FAM47E: variants seen among roughly 807,000 people sequenced by gnomAD.
The protein encoded by FAM47E is family with sequence similarity 47 member E.
FAM47E carries 32 observed loss-of-function variants against 41.6 expected under a neutral mutation model. The ratio of observed to expected loss-of-function variants is 0.77; its 90% confidence interval spans 0.58 to 1.03. The LOEUF (loss-of-function observed/expected upper bound fraction) is 1.03. FAM47E is among the 50% of genes least tolerant of loss of function. The pLI is 0.00. For synonymous variants in FAM47E, 184 were observed against 188.7 expected (o/e 0.98, Z 0.20); for missense variants, 424 against 485.4 (o/e 0.87, Z 1.19).
intron 1 of FAM47E, among the ~76,000 whole-genome samples, chr4:76,216,431 G>T (rs886072072): frequency 6.6e-6 from 1 of 152,042 alleles, no homozygotes; most frequent in Non-Finnish European, 1.5e-5. Context: ...TCTGTTTGCG[G>T]GCTCCATTCT....
At chr4:76,252,240 T>G (rs1733998835) in intron 1 of FAM47E, among the ~76,000 whole-genome samples, 1 of 152,042 alleles carries the variant, frequency 6.6e-6, no homozygotes, top group South Asian at 2.1e-4. Flanking sequence ...GAGCCTTTGG[T>G]ATCCAGATGG....
chr4:76,232,644 C>T (rs2109986648), intron 2 of FAM47E, among the ~76,000 whole-genome samples: 1 of 152,070 alleles, frequency 6.6e-6, no homozygotes, highest in East Asian at 1.9e-4. Flanking sequence ...AAAATATAAC[C>T]TAAACAAGAT....
At chr4:76,273,871 A>G (rs1157992674) in intron 5 of FAM47E, among the ~76,000 whole-genome samples, 1 of 151,482 alleles carries the variant, frequency 6.6e-6, no homozygotes, top group Non-Finnish European at 1.5e-5. Context: ...TTTTTCTGCA[A>G]TGTCTAATCT....
At chr4:76,242,692 A>G (rs1407831084) in intron 2 of FAM47E, among the ~76,000 whole-genome samples, 1 of 152,252 alleles carries the variant, frequency 6.6e-6, no homozygotes, top group East Asian at 1.9e-4. Flanking sequence ...AGATGTGCTG[A>G]AAGTAAAATA....
At chr4:76,274,447 G>A (rs1735016448) in intron 5 of FAM47E, among the ~76,000 whole-genome samples, 7 of 152,146 alleles carry the variant, frequency 4.6e-5, no homozygotes, top group Admixed American at 3.9e-4. Context: ...TGGATGTGGT[G>A]GCATGTACCT....
chr4:76,222,227 C>CTT (rs1163710967), intron 2 of FAM47E, among the ~76,000 whole-genome samples: 8 of 143,982 alleles, frequency 5.6e-5, no homozygotes, highest in Non-Finnish European at 4.6e-5. Flanking sequence ...TTCCTATCTT[C>CTT]TTTTTTTTTT....
chr4:76,281,991 A>G (rs555514666), intron 7 of FAM47E: 4 of 152,294 alleles, frequency 2.6e-5, no homozygotes, highest in Admixed American at 1.3e-4. Context: ...GGGTCATTTG[A>G]TTGTGAGATG....
intron 2 of FAM47E, among the ~76,000 whole-genome samples, chr4:76,225,752 ATAT>A (rs1355645897): frequency 6.6e-6 from 1 of 152,184 alleles, no homozygotes; most frequent in Non-Finnish European, 1.5e-5. Context: ...TGATCATGGC[ATAT>A]TATCTTTTTG....
At chr4:76,242,719 G>A (rs961371150) in intron 2 of FAM47E, among the ~76,000 whole-genome samples, 1 of 152,056 alleles carries the variant, frequency 6.6e-6, no homozygotes, top group African/African-American at 2.4e-5. Context: ...AAACTCTAAA[G>A]ATTTAGTATG....
intron 2 of FAM47E, among the ~76,000 whole-genome samples, chr4:76,240,413 G>A (rs79144120): frequency 0.014 from 2,126 of 152,110 alleles, 46 homozygotes; most frequent in African/African-American, 0.046. Context: ...GAGCTTTTTG[G>A]ATATTTATAT....
intron 2 of FAM47E, among the ~76,000 whole-genome samples, chr4:76,222,921 G>T (rs28442089): frequency 7.0e-4 from 106 of 152,268 alleles, no homozygotes; most frequent in African/African-American, 2.1e-3. Flanking sequence ...AGAAAGGCAG[G>T]GGGGGAAGAG....
Position 76,227,067 on chromosome 4 carries a change from G to T in FAM47E, c.81+9379G>T, listed in dbSNP as rs111950458. Among the ~76,000 whole-genome samples the T allele has an allele frequency of 5.8e-3, 882 of 151,998 alleles. 11 individuals are homozygous for T. The highest frequency in any genetic ancestry group is 0.02 in the African/African-American group (833 of 41,464). On this transcript the variant is annotated intron_variant, in intron 2 of 7. Transcript: ENST00000510197. ...TTTGTTATTTCTTTTCTTCTGCTGG[G>T]TTTGGGTTTGGTTTGTTCTTGTTTC...
chr4:76,232,318 G>A (rs1339619760), intron 2 of FAM47E, among the ~76,000 whole-genome samples: 1 of 152,170 alleles, frequency 6.6e-6, no homozygotes, highest in Non-Finnish European at 1.5e-5. Flanking sequence ...CATGAGTCCT[G>A]TACATTTTCC....
chr4:76,280,287 C>A lies in FAM47E; in HGVS notation c.1050C>A (p.His350Gln), dbSNP rs758671265. 48 of 1,550,068 alleles carry A rather than the reference C, an allele frequency of 3.1e-5. No homozygotes were observed. Among genetic ancestry groups the A allele is most frequent in the Non-Finnish European group, 4.0e-5 (46 of 1,145,810 alleles). Residue 350 changes from histidine to glutamine, a missense_variant, in exon 7 of 8, where the codon CAC becomes CAA. Transcript: ENST00000424749. Reference sequence around the variant, plus strand: ...AGGAGGAGTTACTTGCAGACCTTCACGGAACAGTTGCCTTTAAGGATTTCA... The same window carrying A: ...AGGAGGAGTTACTTGCAGACCTTCAAGGAACAGTTGCCTTTAAGGATTTCA... Reference protein sequence around the residue: ...QEQEELLADLHGTVAFKDFIL... With the variant: ...QEQEELLADLQGTVAFKDFIL...
chr4:76,243,706 AT>A (rs1449043796), intron 2 of FAM47E, among the ~76,000 whole-genome samples: 3 of 151,582 alleles, frequency 2.0e-5, no homozygotes, highest in African/African-American at 7.3e-5. Context: ...CATTCTTTTT[AT>A]GTTTTTTTGT....
chr4:76,278,174 G>A lies in FAM47E; in HGVS notation c.976G>A (p.Val326Ile). The A allele has an allele frequency of 1.3e-6, 2 of 1,550,212 alleles. No homozygotes were observed. The highest frequency in any genetic ancestry group is 1.7e-4 in the Middle Eastern group (1 of 5,970). The change falls in exon 6 of 8, where the codon GTC (valine) becomes ATC (isoleucine). Residue 326 changes from valine (V) to isoleucine (I), a missense_variant. Transcript: ENST00000424749. ...RVDEPLVDPE[V>I]SHKAQEENFK... ...AGACGAGCCTCTGGTTGACCCTGAG[G>A]TCTCACATAAGGCTCAAGAGGAGAA...
chr4:76,273,024 G>T (rs185324239), intron 5 of FAM47E, among the ~76,000 whole-genome samples: 70 of 152,180 alleles, frequency 4.6e-4, no homozygotes, highest in African/African-American at 1.7e-3. Context: ...TTCAGTAGTC[G>T]CCTGTTATCT....
intron 2 of FAM47E, among the ~76,000 whole-genome samples, chr4:76,244,947 G>C (rs1733793805): frequency 1.3e-5 from 2 of 152,134 alleles, no homozygotes; most frequent in African/African-American, 4.8e-5. Context: ...GTTTCATTCT[G>C]TTTTTCTTCA....
At chr4:76,237,052 C>T (rs190201559) in intron 2 of FAM47E, among the ~76,000 whole-genome samples, 4,102 of 151,740 alleles carry the variant, frequency 0.027, 165 homozygotes, top group African/African-American at 0.094. Flanking sequence ...CCTGTCACCA[C>T]GCCCGGCTAA....
Sources: allele counts gnomAD v4.1 joint callset (sites outside exome capture counted in the v4.1 genomes callset), GRCh38; gene constraint gnomAD v4.1.1; transcripts MANE v1.5; gene names NCBI Gene and HGNC (gene_info 2026-07-23, HGNC 2026-07-21).